The following LAMA2 variants were observed in gnomAD, a reference collection of about 807,000 sequenced individuals.
LAMA2 encodes the protein laminin subunit alpha 2, also known as laminin subunit alpha-2.
In LAMA2, 269 loss-of-function variants were observed where a neutral mutation model predicts 364.8. That is an observed-to-expected ratio of 0.74 (90% CI 0.67 to 0.82). The LOEUF (loss-of-function observed/expected upper bound fraction) is 0.82. Ranked by LOEUF, LAMA2 falls within the 40% of genes least tolerant of loss-of-function variation. LAMA2 has a pLI of 0.00. For missense variants in LAMA2, 3,807 were observed against 3,873.2 expected (o/e 0.98, Z 0.45); for synonymous variants, 1,379 against 1,370.6 (o/e 1.01, Z -0.14).
intron 4 of LAMA2, among the ~76,000 whole-genome samples, chr6:129,117,764 C>G (rs1159637050): frequency 6.6e-6 from 1 of 152,176 alleles, no homozygotes; most frequent in African/African-American, 2.4e-5. Flanking sequence ...TAAACCTTTA[C>G]AGTAACCTCA....
chr6:129,203,171 A>C (rs927695608), intron 12 of LAMA2, among the ~76,000 whole-genome samples: 4 of 152,264 alleles, frequency 2.6e-5, no homozygotes, highest in African/African-American at 9.6e-5. Context: ...TTCTCATTTC[A>C]AACTTAAAGA....
At chr6:129,387,597 C>T (rs1180193904) in intron 35 of LAMA2, among the ~76,000 whole-genome samples, 1 of 152,182 alleles carries the variant, frequency 6.6e-6, no homozygotes, top group Non-Finnish European at 1.5e-5. Context: ...TCTAAAGACA[C>T]ATATACAGTA....
intron 12 of LAMA2, among the ~76,000 whole-genome samples, chr6:129,223,201 C>G (rs1783999236): frequency 6.6e-6 from 1 of 151,960 alleles, no homozygotes; most frequent in African/African-American, 2.4e-5. Context: ...TTGTTTTTTT[C>G]TTGTAAGTTT....
intron 2 of LAMA2, among the ~76,000 whole-genome samples, chr6:129,052,588 C>A (rs1415442975): frequency 6.6e-6 from 1 of 152,132 alleles, no homozygotes; most frequent in Non-Finnish European, 1.5e-5. Context: ...AATCCCCCTC[C>A]AGAGTGCTAC....
At position 129,402,487 on chromosome 6, in the gene LAMA2, G is replaced by A. The variant is rs773237240; in HGVS notation, c.5726G>A (p.Gly1909Glu). The change falls in exon 39 of 65, where the codon GGA becomes GAA. Residue 1909 changes from glycine to glutamate, a missense_variant and splice_region_variant. Around this residue, in one of 3 missense-constraint regions of LAMA2, gnomAD observed 3,333 missense variants for 3,345.7 expected, o/e 1.00. Coordinates refer to ENST00000421865, the MANE Select transcript of LAMA2 (RefSeq NM_000426.4). The stretch of plus-strand genomic sequence containing the variant: ...AATGACTCATCTGCTGTCCTTGATG[G>A]GTATGTCATTTGTTTTTGGAAATGT... ...QLNDSSAVLD[G>E]ILDEAKNISF... 6.2e-7 allele frequency: 1 copy of A among 1,613,896 alleles called. No homozygotes were observed. Among genetic ancestry groups the A allele is most frequent in the East Asian group, 2.2e-5 (1 of 44,862 alleles).
At chr6:128,920,059 G>A (rs1778593248) in intron 1 of LAMA2, among the ~76,000 whole-genome samples, 1 of 152,046 alleles carries the variant, frequency 6.6e-6, no homozygotes, top group African/African-American at 2.4e-5. Context: ...ATATATCACT[G>A]TCTCTTTCAG....
chr6:129,482,145 A>C (rs1784378745), intron 55 of LAMA2, among the ~76,000 whole-genome samples: 1 of 152,148 alleles, frequency 6.6e-6, no homozygotes, highest in African/African-American at 2.4e-5. Context: ...TTCTCTACAA[A>C]AAATGTTTAA....
chr6:129,200,340 G>A (rs921918757), intron 12 of LAMA2, among the ~76,000 whole-genome samples: 11 of 116,274 alleles, frequency 9.5e-5, no homozygotes, highest in Admixed American at 5.7e-4. Flanking sequence ...ACATATACAC[G>A]TATATGTGTA....
intron 3 of LAMA2, among the ~76,000 whole-genome samples, chr6:129,067,604 A>T (rs1332388202): frequency 6.6e-6 from 1 of 152,194 alleles, no homozygotes. Context: ...TTCCACTAAA[A>T]GTCTCTACTG....
intron 46 of LAMA2, among the ~76,000 whole-genome samples, chr6:129,453,352 C>G (rs1035840652): frequency 2.6e-5 from 4 of 152,188 alleles, no homozygotes; most frequent in Admixed American, 2.6e-4. Flanking sequence ...GTCACATTTA[C>G]TTTCATTTGT....
At chr6:129,066,445 C>T (rs141825503) in intron 3 of LAMA2, among the ~76,000 whole-genome samples, 4 of 152,172 alleles carry the variant, frequency 2.6e-5, no homozygotes, top group Non-Finnish European at 5.9e-5. Flanking sequence ...ATTGAAGACA[C>T]AAATAAATGG....
chr6:129,198,482 A>T lies in LAMA2; in HGVS notation c.1782+5629A>T, dbSNP rs147912018. Among the ~76,000 whole-genome samples, 17 of 152,286 alleles carry T rather than the reference A, an allele frequency of 1.1e-4. No homozygotes were observed. The East Asian group carries it at 3.3e-3, about 29-fold the overall frequency. The stretch of plus-strand genomic sequence containing the variant: ...ATAGAGATGCTGAAGCAGCTTATTC[A>T]AAAGAAAGGGAACGACAAAGATATG... On this transcript the variant is annotated intron_variant, in intron 12 of 64. Transcript: ENST00000421865.
chr6:128,982,566 C>CT lies in LAMA2; in HGVS notation c.113-67345dup, dbSNP rs527540492. Among the ~76,000 whole-genome samples, 599 of 151,630 alleles carry CT rather than the reference C, an allele frequency of 4.0e-3. 3 individuals carry two copies. Among genetic ancestry groups the CT allele is most frequent in the African/African-American group, 0.014 (571 of 41,386 alleles). ...GTATATCACTGTTGTTTTTATTTAC[C>CT]TTTTTTTACCAGTTTTTTTCCAGTT... On this transcript the variant is annotated intron_variant, in intron 1 of 64. Coordinates refer to ENST00000421865, the MANE Select transcript of LAMA2 (RefSeq NM_000426.4).
intron 12 of LAMA2, among the ~76,000 whole-genome samples, chr6:129,200,523 T>C (rs1198683184): frequency 6.6e-6 from 1 of 151,370 alleles, no homozygotes; most frequent in Non-Finnish European, 1.5e-5. Context: ...TATATGCATA[T>C]ATGTATATAT....
chr6:129,464,890 T>A (rs1783460416), intron 50 of LAMA2, among the ~76,000 whole-genome samples: 3 of 152,126 alleles, frequency 2.0e-5, no homozygotes, highest in South Asian at 4.1e-4. Flanking sequence ...TGTTTTCAAA[T>A]GAACTCACAT....
intron 28 of LAMA2, among the ~76,000 whole-genome samples, chr6:129,327,409 A>G (rs12191134): frequency 0.11 from 16,977 of 152,228 alleles, 1,307 homozygotes; most frequent in Non-Finnish European, 0.17. Context: ...TAAGTGAAAA[A>G]AAAAAATTCT....
At position 129,387,139 on chromosome 6, in the gene LAMA2, CT is replaced by C. The variant is rs991212071; in HGVS notation, c.5071+3914del. Among the ~76,000 whole-genome samples, 5 of 150,860 alleles carry C rather than the reference CT, an allele frequency of 3.3e-5. No individual in the cohort carries two copies. In the South Asian group the frequency reaches 6.3e-4, roughly 19 times the overall value. On this transcript the variant is annotated intron_variant, in intron 35 of 64. Transcript: ENST00000421865. ...ATGTGTTATATGTTTTGATGTTTTT[CT>C]TTTTTTTATTCTCATGTTTTTATTT...
At chr6:129,193,017 C>T (rs1249413160) in intron 12 of LAMA2, among the ~76,000 whole-genome samples, 164 bp downstream of exon 12, 1 of 152,186 alleles carries the variant, frequency 6.6e-6, no homozygotes, top group Admixed American at 6.5e-5. Context: ...CCATGTTGCA[C>T]AAGACCTTAA....
At chr6:129,056,128 T>C (rs1788469142) in intron 2 of LAMA2, among the ~76,000 whole-genome samples, 1 of 152,180 alleles carries the variant, frequency 6.6e-6, no homozygotes, top group African/African-American at 2.4e-5. Flanking sequence ...TGTTTTTCTA[T>C]CACATATTAA....
Sources: allele counts gnomAD v4.1 joint callset (sites outside exome capture counted in the v4.1 genomes callset), GRCh38; gene constraint gnomAD v4.1.1; regional missense constraint gnomAD v4.1.1; transcripts MANE v1.5; gene names NCBI Gene and HGNC (gene_info 2026-07-23, HGNC 2026-07-21).